The following ZDHHC13 variants were observed in gnomAD, a reference collection of about 807,000 sequenced individuals.
ZDHHC13 encodes the protein palmitoyltransferase ZDHHC13.
Under a neutral mutation model 86.0 loss-of-function variants are expected in ZDHHC13, and 85 were observed. That is an observed-to-expected ratio of 0.99 (90% confidence interval 0.83 to 1.18). The LOEUF (loss-of-function observed/expected upper bound fraction) is 1.18. Ranked by LOEUF, ZDHHC13 falls within the 50% of genes most tolerant of loss-of-function variation. The pLI is 0.00. For missense variants in ZDHHC13, 711 were observed against 730.2 expected, an observed-to-expected ratio of 0.97 and a Z score of 0.30; for synonymous variants, 263 against 246.4, an observed-to-expected ratio of 1.07 and a Z score of -0.63.
At chr11:19,161,429 A>G (rs1357168926) in intron 10 of ZDHHC13, among the ~76,000 whole-genome samples, 2 of 151,952 alleles carry the variant, frequency 1.3e-5, no homozygotes, top group East Asian at 3.9e-4. Context: ...TTCTATAAAT[A>G]TACCTAATAT....
chr11:19,169,616 A>G, intron 14 of ZDHHC13: 1 of 985,442 alleles, frequency 1.0e-6, no homozygotes, highest in Non-Finnish European at 1.2e-6. Flanking sequence ...TTCACCCTTT[A>G]TGCATGGGCA....
At chr11:19,134,360 G>A (rs981185667) in intron 1 of ZDHHC13, among the ~76,000 whole-genome samples, 1 of 151,996 alleles carries the variant, frequency 6.6e-6, no homozygotes, top group African/African-American at 2.4e-5. Context: ...AATTAGCTGG[G>A]TATACCAAAG....
chr11:19,143,158 T>G, intron 2 of ZDHHC13, 35 bp downstream of exon 2: 1 of 1,584,900 alleles, frequency 6.3e-7, no homozygotes, highest in Non-Finnish European at 8.6e-7. Flanking sequence ...TATCCTTATG[T>G]TCTCTAGAAT....
intron 1 of ZDHHC13, among the ~76,000 whole-genome samples, chr11:19,138,442 G>A (rs2133389172): frequency 6.7e-6 from 1 of 150,246 alleles, no homozygotes; most frequent in East Asian, 2.0e-4. Flanking sequence ...ACCAAAAAGA[G>A]TCCAGGACCA....
intron 9 of ZDHHC13, among the ~76,000 whole-genome samples, chr11:19,156,265 G>A (rs1849754498): frequency 6.6e-6 from 1 of 151,908 alleles, no homozygotes; most frequent in Non-Finnish European, 1.5e-5. Flanking sequence ...AAGCATTTTT[G>A]CTCATTTTTC....
At chr11:19,147,470 T>C in intron 3 of ZDHHC13, 126 bp from the exon 4 acceptor site, 2 of 751,352 alleles carry the variant, frequency 2.7e-6, no homozygotes, top group Non-Finnish European at 4.2e-6. Flanking sequence ...TCTGGGTGTT[T>C]TAGGGATTAT....
intron 2 of ZDHHC13, among the ~76,000 whole-genome samples, chr11:19,144,638 C>T (rs575227178): frequency 4.6e-5 from 7 of 152,164 alleles, no homozygotes; most frequent in Admixed American, 2.6e-4. Context: ...GACACACACA[C>T]GCACACACAC....
At chr11:19,153,856 C>T (rs1035826522) in intron 8 of ZDHHC13, among the ~76,000 whole-genome samples, 2 of 151,496 alleles carry the variant, frequency 1.3e-5, no homozygotes, top group African/African-American at 4.9e-5. Flanking sequence ...CCTCTGTCTT[C>T]GCCTTTTTTT....
chr11:19,172,780 C>T lies in ZDHHC13; in HGVS notation c.1690C>T (p.His564Tyr), dbSNP rs1428604173. 2 of 1,606,686 alleles carry T rather than the reference C, an allele frequency of 1.2e-6. No homozygotes were observed. Residue 564 changes from histidine (H) to tyrosine (Y), a missense_variant, in exon 16 of 17, where the codon CAT (histidine) becomes TAT (tyrosine). His to Tyr is a moderately conservative substitution (Grantham distance 83). Transcript: ENST00000446113. ...ERISLQKQSK[H>Y]MKQTLSLRKT... Reference sequence around the variant, plus strand: ...AATCAGCCTGCAGAAGCAGAGCAAGCATATGAAACAGACGTTGTCCCTCAG... The same window carrying T: ...AATCAGCCTGCAGAAGCAGAGCAAGTATATGAAACAGACGTTGTCCCTCAG...
upstream of ZDHHC13, chr11:19,117,129 G>T (rs541305612): frequency 5.5e-6 from 6 of 1,089,994 alleles, no homozygotes; most frequent in African/African-American, 7.9e-5. This position sits in a 1 kb window ranked among gnomAD's most constrained non-coding sequence, Gnocchi z 4.2. Context: ...AGCGGGGACC[G>T]CAGCGGCGGA....
Position 19,155,855 on chromosome 11 carries a change from CTTCAA to C in ZDHHC13, c.938_942del (p.Asn313ArgfsTer28), listed in dbSNP as rs777120263. Reference sequence around the variant, plus strand: ...TGTGGGCTATTGGATACATATTGGACTTCAATTCAGATTCTTGGCTTTTAAAAGGA... The same window carrying C: ...TGTGGGCTATTGGATACATATTGGACTTCAGATTCTTGGCTTTTAAAAGGA... On this transcript the variant is annotated frameshift_variant, in exon 9 of 17. Transcript: ENST00000446113. LOFTEE classifies it high-confidence loss of function. The C allele has an allele frequency of 2.5e-6, 4 of 1,612,910 alleles. No individual in the cohort carries two copies. The highest frequency in any genetic ancestry group is 2.5e-6 in the Non-Finnish European group (3 of 1,179,712).
chr11:19,147,777 C>G (rs926686458), intron 4 of ZDHHC13, 104 bp downstream of exon 4: 2 of 767,872 alleles, frequency 2.6e-6, no homozygotes, highest in South Asian at 6.3e-5. Context: ...TTTCTTCCCC[C>G]CCCCCCTTTA....
At chr11:19,137,569 A>C (rs1034411592) in intron 1 of ZDHHC13, among the ~76,000 whole-genome samples, 3 of 152,000 alleles carry the variant, frequency 2.0e-5, no homozygotes, top group African/African-American at 7.2e-5. Flanking sequence ...AAGCGGACCT[A>C]ATAGACATCT....
At chr11:19,137,558 C>G (rs1282924105) in intron 1 of ZDHHC13, among the ~76,000 whole-genome samples, 1 of 151,794 alleles carries the variant, frequency 6.6e-6, no homozygotes, top group Non-Finnish European at 1.5e-5. Flanking sequence ...AGCTCTGCAC[C>G]AAGCGGACCT....
intron 10 of ZDHHC13, among the ~76,000 whole-genome samples, chr11:19,162,549 A>G (rs1404562305): frequency 6.6e-6 from 1 of 152,182 alleles, no homozygotes; most frequent in East Asian, 1.9e-4. Context: ...GGGACATTTT[A>G]GGTCAGTGAA....
chr11:19,175,416 A>AAAAAAAAAAC (rs1565046645), intron 16 of ZDHHC13, among the ~76,000 whole-genome samples: 4 of 136,376 alleles, frequency 2.9e-5, no homozygotes, highest in African/African-American at 1.1e-4. Flanking sequence ...AAAAAAAAAA[A>AAAAAAAAAAC]AGGTTTAGGG....
Position 19,141,187 on chromosome 11 carries a change from C to G in ZDHHC13, c.28-1791C>G, listed in dbSNP as rs184838696. ...TAAAGTTGATTACTTTAACAGGAAT[C>G]TATTTCTACTTGGAAATCTGAATAG... On this transcript the variant is annotated intron_variant, in intron 1 of 16. Transcript: ENST00000446113. Among the ~76,000 whole-genome samples the G allele has an allele frequency of 1.9e-4, 29 of 152,094 alleles. No individual in the cohort carries two copies. The East Asian group carries it at 5.4e-3, about 28-fold the overall frequency.
Position 19,163,404 on chromosome 11 carries a change from G to C in ZDHHC13, c.1210G>C (p.Ala404Pro). 1.3e-6 allele frequency: 2 copies of C among 1,598,036 alleles called. No individual in the cohort carries two copies. Among genetic ancestry groups the C allele is most frequent in the Middle Eastern group, 1.7e-4 (1 of 5,958 alleles). The change falls in exon 11 of 17, where the codon GCT (alanine) becomes CCT (proline). Residue 404 changes from alanine (A) to proline (P), a missense_variant. Transcript: ENST00000446113. ...TWATDPGFTK[A>P]SEEEKKVNII... ...GGCAACTGATCCAGGCTTCACTAAG[G>C]CTTCTGAAGAAGAAAAGAAAGTGGT...
chr11:19,142,207 G>A (rs1346390431), intron 1 of ZDHHC13, among the ~76,000 whole-genome samples: 2 of 152,120 alleles, frequency 1.3e-5, no homozygotes, highest in East Asian at 1.9e-4. Flanking sequence ...TATGATCAAA[G>A]TCTCATTTTC....
Sources: gnomAD v4.1 joint callset for allele counts (sites outside exome capture counted in the v4.1 genomes callset) on GRCh38, gnomAD v4.1.1 for gene constraint, Gnocchi (gnomAD v3.1) non-coding constraint, MANE v1.5 for transcripts, NCBI Gene and HGNC (gene_info 2026-07-23, HGNC 2026-07-21) for gene names.